Variants in RIOX2 observed in about 807,000 individuals in gnomAD.
RIOX2 encodes ribosomal oxygenase 2.
In RIOX2, 43 loss-of-function variants were observed where a neutral mutation model predicts 51.2. The observed-to-expected ratio is 0.84, with a 90% CI of 0.66 to 1.08. The LOEUF is 1.08. Ranked by LOEUF, RIOX2 falls within the 50% of genes least tolerant of loss-of-function variation. RIOX2 has a pLI of 0.00. For synonymous variants in RIOX2, 226 were observed against 218.5 expected, an observed-to-expected ratio of 1.03 and a Z score of -0.30; for missense variants, 566 against 561.7, an observed-to-expected ratio of 1.01 and a Z score of -0.08.
chr3:97,942,256 C>A lies in RIOX2; in HGVS notation c.*2928G>T. The A allele has an allele frequency of 1.3e-6, 2 of 1,569,066 alleles. No homozygotes were observed. The highest frequency in any genetic ancestry group is 8.7e-7 in the Non-Finnish European group (1 of 1,151,870). On this transcript the variant is annotated 3_prime_UTR_variant, in exon 10 of 10. Transcript: ENST00000394198. ...ACTTACTTTAGCAAACATACTACTG[C>A]CAATTAATCATTTCTTAACCCTTTT...
rs766649364 is a variant in RIOX2 at position 97,945,797 on chromosome 3, CCT to C, written c.1238_1239del (p.Glu413ValfsTer20). The C allele has an allele frequency of 9.4e-6, 15 of 1,603,502 alleles. No homozygotes were observed. The highest frequency in any genetic ancestry group is 4.0e-5 in the African/African-American group (3 of 74,610). On this transcript the variant is annotated frameshift_variant and splice_region_variant, in exon 9 of 10. Coordinates refer to ENST00000394198, the MANE Select transcript of RIOX2 (RefSeq NM_153182.4). LOFTEE classifies it high-confidence loss of function. ...THMMGNEEETEFHGLRFPLSH... is the reference protein window; with the variant it reads ...THMMGNEEETXFHGLRFPLSH... Reference sequence around the variant, plus strand: ...GGCATTTGTTTTCAGTTGAAACAAACCTCTGTTTCCTCCTCATTTCCCATCAT... The same window carrying C: ...GGCATTTGTTTTCAGTTGAAACAAACCTGTTTCCTCCTCATTTCCCATCAT...
intron 4 of RIOX2, among the ~76,000 whole-genome samples, chr3:97,955,068 C>T (rs1705401112): frequency 6.6e-6 from 1 of 152,114 alleles, no homozygotes; most frequent in South Asian, 2.1e-4. Flanking sequence ...ATGATTTTAT[C>T]CGCCAGTCCC....
In RIOX2 at chr3:97,961,671, T is replaced by C. The variant is rs934035180; in HGVS notation, c.470A>G (p.Tyr157Cys). The C allele has an allele frequency of 7.4e-6, 12 of 1,612,154 alleles. No homozygotes were observed. The highest frequency in any genetic ancestry group is 9.3e-6 in the Non-Finnish European group (11 of 1,179,446). Residue 157 changes from tyrosine to cysteine, a missense_variant, in exon 3 of 10, where the codon TAC (tyrosine) becomes TGC (cysteine). By Grantham distance (194) the Tyr-to-Cys change is radical. Coordinates refer to ENST00000394198, the MANE Select transcript of RIOX2 (RefSeq NM_153182.4). ...LWRIQEKLECYFGSLVGSNVY... is the reference protein window; with the variant it reads ...LWRIQEKLECCFGSLVGSNVY... ...ATTCGAGCCAACCAAGGAGCCAAAG[T>C]AACATTCCAGCTTCTCCTGGATCCT...
intron 8 of RIOX2, among the ~76,000 whole-genome samples, chr3:97,946,820 A>T (rs1402194257): frequency 6.6e-6 from 1 of 151,814 alleles, no homozygotes; most frequent in African/African-American, 2.4e-5. Flanking sequence ...TCAAAACATA[A>T]ATCCAAAGGC....
At chr3:97,960,587 C>G (rs564395228) in intron 3 of RIOX2, among the ~76,000 whole-genome samples, 3 of 152,214 alleles carry the variant, frequency 2.0e-5, no homozygotes, top group African/African-American at 7.2e-5. Context: ...GGTCAAGTTT[C>G]CGATAAAAAA....
rs2040245641 is a variant in RIOX2, at chr3:97,942,160, T to G, written c.*3024A>C. ...TTACTGAAATTATACTATATAGTAT[T>G]TTTTTAGATAAGACACACACACACT... On this transcript the variant is annotated 3_prime_UTR_variant, in exon 10 of 10. Transcript: ENST00000394198. The G allele has an allele frequency of 1.4e-6, 1 of 740,104 alleles. No homozygotes were observed. Among genetic ancestry groups the G allele is most frequent in the Non-Finnish European group, 2.0e-6 (1 of 489,346 alleles). The allele number at this position is 740,104 out of a possible 1,614,324, so 45.8% of individuals were successfully genotyped here.
intron 3 of RIOX2, among the ~76,000 whole-genome samples, chr3:97,960,589 G>A (rs1317206646): frequency 1.3e-5 from 2 of 152,064 alleles, no homozygotes; most frequent in Non-Finnish European, 2.9e-5. Flanking sequence ...TCAAGTTTCC[G>A]ATAAAAAATA....
At chr3:97,957,862 T>C (rs1029442733) in intron 4 of RIOX2, among the ~76,000 whole-genome samples, 2 of 152,196 alleles carry the variant, frequency 1.3e-5, no homozygotes, top group Admixed American at 1.3e-4. Flanking sequence ...GTACGTATTT[T>C]TGGTTTGCGG....
chr3:97,965,891 C>A (rs554078063), intron 2 of RIOX2, among the ~76,000 whole-genome samples: 9 of 152,194 alleles, frequency 5.9e-5, no homozygotes, highest in Non-Finnish European at 1.3e-4. Flanking sequence ...ACTAGCTCAG[C>A]GAGAAGCATT....
At chr3:97,963,602 A>T (rs1705762819) in intron 2 of RIOX2, among the ~76,000 whole-genome samples, 1 of 152,240 alleles carries the variant, frequency 6.6e-6, no homozygotes, top group African/African-American at 2.4e-5. Context: ...TTATTTTTAT[A>T]TAGTAACTGG....
In RIOX2 at chr3:97,943,532, G is replaced by C. The variant is rs2040280486; in HGVS notation, c.*1652C>G. ...AGTGTTCCTATAAAGAAAATATTATGATATCTTGGAAAGGTTCTATTCCTG... is the reference window on the plus strand; with the variant it reads ...AGTGTTCCTATAAAGAAAATATTATCATATCTTGGAAAGGTTCTATTCCTG... On this transcript the variant is annotated 3_prime_UTR_variant, in exon 10 of 10. Coordinates refer to ENST00000394198, the MANE Select transcript of RIOX2 (RefSeq NM_153182.4). 6.1e-6 allele frequency: 3 copies of C among 494,440 alleles called. No individual in the cohort carries two copies. The South Asian group carries it at 8.1e-5, about 13-fold the overall frequency. The allele number at this position is 494,440 out of a possible 1,614,324, so 30.6% of individuals were successfully genotyped here.
intron 1 of RIOX2, among the ~76,000 whole-genome samples, chr3:97,968,368 A>G (rs757681114): frequency 5.9e-5 from 9 of 152,256 alleles, no homozygotes; most frequent in Admixed American, 6.5e-5. Context: ...TGAAAAAACT[A>G]TAACTTTTTA....
chr3:97,945,635 T>C, intron 9 of RIOX2, 163 bp downstream of exon 9: 1 of 634,398 alleles, frequency 1.6e-6, no homozygotes, highest in Admixed American at 3.0e-5. Flanking sequence ...CACAGAAATG[T>C]CTGACTTAAT....
At chr3:97,958,060 C>G (rs1705517807) in intron 4 of RIOX2, among the ~76,000 whole-genome samples, 1 of 152,100 alleles carries the variant, frequency 6.6e-6, no homozygotes, top group Non-Finnish European at 1.5e-5. Context: ...GTAAGGTTAC[C>G]TTTACTGTTG....
chr3:97,959,120 G>A lies in RIOX2; in HGVS notation c.612C>T (p.Pro204=). 6.2e-7 allele frequency: 1 copy of A among 1,613,930 alleles called. No individual in the cohort carries two copies. Among genetic ancestry groups the A allele is most frequent in the Non-Finnish European group, 8.5e-7 (1 of 1,179,936 alleles). Residue 204 remains proline (P), a synonymous_variant, in exon 4 of 10, where the codon CCC becomes CCT. Coordinates refer to ENST00000394198, the MANE Select transcript of RIOX2 (RefSeq NM_153182.4). The part of the protein sequence containing the change: ...KHWRLYHPTV[P]LAREYSVEAE... Reference sequence around the variant, plus strand: ...CCTCCACGCTGTACTCTCGTGCCAGGGGCACAGTGGGGTGGTAGAGGCGCC... The same window carrying A: ...CCTCCACGCTGTACTCTCGTGCCAGAGGCACAGTGGGGTGGTAGAGGCGCC...
Position 97,949,655 on chromosome 3 carries a change from T to C in RIOX2, c.1060+189A>G, listed in dbSNP as rs567874168. ...ATACAAGTTCTTTCCAAATGACTTC[T>C]AAGATACAGGTTGCTAAAGGTTGAG... On this transcript the variant is annotated intron_variant, in intron 7 of 9. Coordinates refer to ENST00000394198, the MANE Select transcript of RIOX2 (RefSeq NM_153182.4). Among the ~76,000 whole-genome samples, 7 of 152,294 alleles carry C rather than the reference T, an allele frequency of 4.6e-5. No individual in the cohort carries two copies. The South Asian group carries it at 1.5e-3, about 32-fold the overall frequency.
chr3:97,950,757 C>G (rs555279572), intron 6 of RIOX2, 29 bp downstream of exon 6: 1 of 1,578,032 alleles, frequency 6.3e-7, no homozygotes. Flanking sequence ...AGCTACCATC[C>G]TTCATTCCTA....
intron 2 of RIOX2, among the ~76,000 whole-genome samples, chr3:97,965,233 C>T (rs1032282356): frequency 3.7e-5 from 5 of 133,588 alleles, no homozygotes; most frequent in Admixed American, 3.7e-4. Flanking sequence ...AAAAAAAGGC[C>T]CAGCACAGTG....
chr3:97,959,810 C>A (rs940874779), intron 3 of RIOX2, among the ~76,000 whole-genome samples: 4 of 152,122 alleles, frequency 2.6e-5, no homozygotes, highest in African/African-American at 9.7e-5. Context: ...AAAATATTCA[C>A]AAATCTATTA....
Sources: gnomAD v4.1 joint callset for allele counts (sites outside exome capture counted in the v4.1 genomes callset) on GRCh38, gnomAD v4.1.1 for gene constraint, MANE v1.5 for transcripts, NCBI Gene and HGNC (gene_info 2026-07-23, HGNC 2026-07-21) for gene names.